SGPP2: variants seen among roughly 807,000 people sequenced by gnomAD.
SGPP2 encodes sphingosine-1-phosphate phosphatase 2, also known as sphingosine 1-phosphate phosphohydrolase 2.
Under a neutral mutation model 33.9 loss-of-function variants are expected in SGPP2, and 30 were observed. The ratio of observed to expected loss-of-function variants is 0.89; its 90% CI spans 0.66 to 1.20. The LOEUF (loss-of-function observed/expected upper bound fraction) is 1.20. Among genes scored for constraint, SGPP2 ranks in the 50% most tolerant of loss-of-function variants. The probability of loss-of-function intolerance (pLI) is 0.00; values close to 1 mark genes in which losing one functional copy is unlikely to be tolerated. For missense variants in SGPP2, 458 were observed against 532.1 expected (o/e 0.86, Z 1.37); for synonymous variants, 233 against 225.0 (o/e 1.04, Z -0.32).
chr2:222,484,305 A>AT (rs1307994914), intron 2 of SGPP2, among the ~76,000 whole-genome samples: 1 of 152,050 alleles, frequency 6.6e-6, no homozygotes, highest in Non-Finnish European at 1.5e-5. Flanking sequence ...TAAGACTGCA[A>AT]TGCTGTTGGT....
intron 4 of SGPP2, among the ~76,000 whole-genome samples, chr2:222,530,190 A>G (rs531147435): frequency 1.8e-4 from 27 of 152,362 alleles, no homozygotes; most frequent in Non-Finnish European, 3.5e-4. Context: ...TAGATTTAGC[A>G]TAATTCTTAA....
chr2:222,462,128 A>G (rs1697671208), intron 1 of SGPP2, among the ~76,000 whole-genome samples: 1 of 152,188 alleles, frequency 6.6e-6, no homozygotes, highest in Admixed American at 6.5e-5. Context: ...AACATGGCAG[A>G]GAGATCTTGG....
In SGPP2 at chr2:222,427,446, A is replaced by ATTG. The variant is rs772403790; in HGVS notation, c.219+2631_219+2633dup. Reference sequence around the variant, plus strand: ...GTTTGTTGTTGTTGTTGTTGTTGTTATTGTTGTTTTTTGTAGAGACAGGGT... The same window carrying ATTG: ...GTTTGTTGTTGTTGTTGTTGTTGTTATTGTTGTTGTTTTTTGTAGAGACAGGGT... On this transcript the variant is annotated intron_variant, in intron 1 of 4. Transcript: ENST00000321276. Among the ~76,000 whole-genome samples, 64 of 151,734 alleles carry ATTG rather than the reference A, an allele frequency of 4.2e-4. No homozygotes were observed. The South Asian group carries it at 5.0e-3, about 12-fold the overall frequency.
intron 4 of SGPP2, among the ~76,000 whole-genome samples, chr2:222,544,160 A>G (rs971598820): frequency 2.0e-5 from 3 of 152,196 alleles, no homozygotes; most frequent in Non-Finnish European, 4.4e-5. Context: ...TCCCATTTCT[A>G]CAGATGAGAC....
intron 2 of SGPP2, among the ~76,000 whole-genome samples, chr2:222,517,439 G>A (rs1329844343): frequency 6.6e-6 from 1 of 151,994 alleles, no homozygotes; most frequent in African/African-American, 2.4e-5. Context: ...CAAACTCCAG[G>A]GGAAGATCAT....
intron 2 of SGPP2, among the ~76,000 whole-genome samples, chr2:222,507,483 A>G (rs1353673124): frequency 6.6e-6 from 1 of 152,194 alleles, no homozygotes; most frequent in Non-Finnish European, 1.5e-5. Flanking sequence ...TGTAAAGCTA[A>G]AGGTTTTGAT....
intron 4 of SGPP2, among the ~76,000 whole-genome samples, chr2:222,532,198 T>C (rs981764559): frequency 2.0e-5 from 3 of 151,808 alleles, no homozygotes; most frequent in Non-Finnish European, 4.4e-5. Context: ...CACTTGAACC[T>C]GGGAGGCGGA....
chr2:222,499,143 A>G (rs1211843876), intron 2 of SGPP2, among the ~76,000 whole-genome samples: 3 of 152,260 alleles, frequency 2.0e-5, no homozygotes, highest in Non-Finnish European at 2.9e-5. Flanking sequence ...AGCATTGCTG[A>G]ACCTCAGCCT....
intron 1 of SGPP2, among the ~76,000 whole-genome samples, chr2:222,447,318 G>A (rs1697412767): frequency 6.6e-6 from 1 of 152,196 alleles, no homozygotes; most frequent in Non-Finnish European, 1.5e-5. Context: ...TTGCAAATGA[G>A]GTTGGGAAAG....
Position 222,558,862 on chromosome 2 carries a change from T to C in SGPP2, c.1164T>C (p.Phe388=). ...CTGTTGGCATCTGCGCTACAACCTTTGTGCCGATGCTTCACAGGTTTCTGG... is the reference window on the plus strand; with the variant it reads ...CTGTTGGCATCTGCGCTACAACCTTCGTGCCGATGCTTCACAGGTTTCTGG... ...YTSVGICATT[F]VPMLHRFLGL... The change falls in exon 5 of 5, where the codon TTT becomes TTC. Residue 388 remains phenylalanine, a synonymous_variant. Transcript: ENST00000321276. 6.2e-7 allele frequency: 1 copy of C among 1,611,114 alleles called. No individual in the cohort carries two copies. Among genetic ancestry groups the C allele is most frequent in the Non-Finnish European group, 8.5e-7 (1 of 1,177,406 alleles).
chr2:222,466,253 CTTTTTTTTTTT>C (rs34005867), intron 1 of SGPP2, among the ~76,000 whole-genome samples: 1 of 104,704 alleles, frequency 9.6e-6, no homozygotes, highest in Admixed American at 1.1e-4. Context: ...CTGTTTTCAA[CTTTTTTTTTTT>C]TTTTTTTTTT....
chr2:222,511,905 C>T (rs1405534570), intron 2 of SGPP2, among the ~76,000 whole-genome samples: 3 of 152,134 alleles, frequency 2.0e-5, no homozygotes, highest in Non-Finnish European at 4.4e-5. Flanking sequence ...TCTCAAACTC[C>T]TGGGTCAAGT....
chr2:222,526,367 G>A (rs1698758920), intron 4 of SGPP2, among the ~76,000 whole-genome samples: 1 of 152,194 alleles, frequency 6.6e-6, no homozygotes, highest in African/African-American at 2.4e-5. Context: ...TGAAGGGCCA[G>A]TCCTGTAATT....
At chr2:222,429,656 C>T (rs4674647) in intron 1 of SGPP2, among the ~76,000 whole-genome samples, 116,752 of 152,098 alleles carry the variant, frequency 0.77, 44,944 homozygotes, top group Middle Eastern at 0.88. Flanking sequence ...CAGCTAGGTG[C>T]TGTGCTTTTG....
Position 222,550,125 on chromosome 2 carries a change from G to T in SGPP2, c.649-8222G>T, listed in dbSNP as rs1183232297. On this transcript the variant is annotated intron_variant, in intron 4 of 4. Coordinates refer to ENST00000321276, the MANE Select transcript of SGPP2 (RefSeq NM_152386.4). This position sits in a 1 kb window ranked among gnomAD's most constrained non-coding sequence, Gnocchi z 4.5. The stretch of plus-strand genomic sequence containing the variant: ...GAACTCGTGACCTCGTGATCCACCC[G>T]CCTCGGCCTCCCAAAGTGCTGGGAT... 6.6e-6 allele frequency among the ~76,000 whole-genome samples: 1 copy of T among 151,960 alleles called. No individual in the cohort carries two copies. Among genetic ancestry groups the T allele is most frequent in the Non-Finnish European group, 1.5e-5 (1 of 67,990 alleles).
At position 222,466,512 on chromosome 2, in the gene SGPP2, C is replaced by A. The variant is rs372448290; in HGVS notation, c.220-8056C>A. On this transcript the variant is annotated intron_variant, in intron 1 of 4. Transcript: ENST00000321276. ...TGACCTCGTGATCCGCCCACCTCGGCCTCCCAAAGTGCTGGGATTACAGGC... is the reference window on the plus strand; with the variant it reads ...TGACCTCGTGATCCGCCCACCTCGGACTCCCAAAGTGCTGGGATTACAGGC... Among the ~76,000 whole-genome samples, 151 of 152,232 alleles carry A rather than the reference C, an allele frequency of 9.9e-4. 1 individual carries two copies. The highest frequency in any genetic ancestry group is 3.5e-3 in the African/African-American group (147 of 41,518).
rs1384216795 is a variant in SGPP2 at position 222,560,250 on chromosome 2, G to A, written c.*1352G>A. 1 of 151,752 alleles carries A rather than the reference G, an allele frequency of 6.6e-6. No homozygotes were observed. Among genetic ancestry groups the A allele is most frequent in the Admixed American group, 6.6e-5 (1 of 15,220 alleles). 9.4% of individuals were successfully genotyped at this position (151,752 alleles called of 1,614,324 possible). ...AGAAGGGATAGGCTTCCTTGACATTGCCTGTCCTGACAAGGCCTCCCTGAC... is the reference window on the plus strand; with the variant it reads ...AGAAGGGATAGGCTTCCTTGACATTACCTGTCCTGACAAGGCCTCCCTGAC... On this transcript the variant is annotated 3_prime_UTR_variant, in exon 5 of 5. Transcript: ENST00000321276.
intron 1 of SGPP2, chr2:222,452,261 T>C (rs1697502901): frequency 1.5e-5 from 7 of 462,868 alleles, no homozygotes; most frequent in South Asian, 1.4e-4. Context: ...CCCTCCATCA[T>C]ATTGACTGGA....
intron 1 of SGPP2, among the ~76,000 whole-genome samples, chr2:222,461,310 A>G (rs1199730865): frequency 6.6e-6 from 1 of 152,102 alleles, no homozygotes; most frequent in African/African-American, 2.4e-5. Context: ...ACTTCCCCAG[A>G]GTTACCTAGC....
Sources: gnomAD v4.1 joint callset for allele counts (sites outside exome capture counted in the v4.1 genomes callset) on GRCh38, gnomAD v4.1.1 for gene constraint, Gnocchi (gnomAD v3.1) non-coding constraint, MANE v1.5 for transcripts, NCBI Gene and HGNC (gene_info 2026-07-23, HGNC 2026-07-21) for gene names.